KCNIP1: variants seen among roughly 807,000 people sequenced by gnomAD.
KCNIP1 encodes the protein potassium voltage-gated channel interacting protein 1.
KCNIP1 carries 18 observed loss-of-function variants against 33.0 expected under a neutral mutation model. That is an observed-to-expected ratio of 0.55 (90% CI 0.38 to 0.81). The LOEUF is 0.81. Ranked by LOEUF, KCNIP1 falls within the 30% of genes least tolerant of loss-of-function variation. The probability of loss-of-function intolerance (pLI) is 0.00; values close to 1 mark genes in which losing one functional copy is unlikely to be tolerated. For missense variants in KCNIP1, 238 were observed against 271.6 expected (o/e 0.88, Z 0.87); for synonymous variants, 93 against 98.3 (o/e 0.95, Z 0.32).
At chr5:170,487,449 C>A (rs546172287) in intron 1 of KCNIP1, among the ~76,000 whole-genome samples, 1 of 152,172 alleles carries the variant, frequency 6.6e-6, no homozygotes, top group South Asian at 2.1e-4. Flanking sequence ...TAAAATGAAC[C>A]CTTCTAAAGT....
chr5:170,539,462 C>T (rs1756115817), intron 1 of KCNIP1, among the ~76,000 whole-genome samples: 1 of 152,162 alleles, frequency 6.6e-6, no homozygotes, highest in South Asian at 2.1e-4. Flanking sequence ...CCAGACCTGC[C>T]CGTGGGTTGC....
At chr5:170,601,940 AGAAACC>A (rs1758710995) in intron 1 of KCNIP1, among the ~76,000 whole-genome samples, 5 of 152,186 alleles carry the variant, frequency 3.3e-5, no homozygotes. Context: ...AGATGCTGCC[AGAAACC>A]GAGATGGTGC....
chr5:170,691,099 C>T (rs1415175927), intron 1 of KCNIP1, among the ~76,000 whole-genome samples: 3 of 152,234 alleles, frequency 2.0e-5, no homozygotes, highest in Admixed American at 6.5e-5. Flanking sequence ...GCCAAGGCTA[C>T]AGCATTTCTC....
chr5:170,685,122 C>G (rs1398532323), intron 1 of KCNIP1, among the ~76,000 whole-genome samples: 2 of 152,146 alleles, frequency 1.3e-5, no homozygotes, highest in African/African-American at 4.8e-5. Context: ...GTCTCCTGCT[C>G]TGCGTGGGTT....
At chr5:170,403,811 A>G (rs950490397) in intron 1 of KCNIP1, among the ~76,000 whole-genome samples, 2 of 152,226 alleles carry the variant, frequency 1.3e-5, no homozygotes, top group Non-Finnish European at 2.9e-5. Context: ...GATTCCTCCT[A>G]CTACGCCGGC....
intron 1 of KCNIP1, among the ~76,000 whole-genome samples, chr5:170,650,596 T>A (rs2113720579): frequency 6.6e-6 from 1 of 152,362 alleles, no homozygotes; most frequent in African/African-American, 2.4e-5. Flanking sequence ...CAATTCCAAC[T>A]TTTGACTATT....
chr5:170,721,577 T>A (rs577011485), intron 3 of KCNIP1, among the ~76,000 whole-genome samples: 205 of 152,224 alleles, frequency 1.3e-3, no homozygotes, highest in African/African-American at 4.8e-3. Flanking sequence ...AACGACTCCA[T>A]GCATAGACAG....
At chr5:170,663,944 C>A (rs1175630532) in intron 1 of KCNIP1, among the ~76,000 whole-genome samples, 4 of 151,978 alleles carry the variant, frequency 2.6e-5, no homozygotes, top group African/African-American at 9.7e-5. Context: ...TCTGCACCCT[C>A]CTTCAACCCT....
At chr5:170,681,510 GGTAACTAC>G in intron 1 of KCNIP1, 1 of 188,382 alleles carries the variant, frequency 5.3e-6, no homozygotes, top group South Asian at 2.0e-4. Context: ...GAAGCTGTCT[GGTAACTAC>G]GTATATTGTT....
chr5:170,479,807 CTTTG>C (rs1391674060), intron 1 of KCNIP1, among the ~76,000 whole-genome samples: 3 of 152,184 alleles, frequency 2.0e-5, no homozygotes, highest in African/African-American at 4.8e-5. Flanking sequence ...CATATTTGTG[CTTTG>C]TTTAACATTT....
intron 1 of KCNIP1, among the ~76,000 whole-genome samples, chr5:170,509,031 T>C (rs1489032135): frequency 1.3e-5 from 2 of 152,060 alleles, no homozygotes; most frequent in Non-Finnish European, 2.9e-5. Flanking sequence ...TTTCCTAGAG[T>C]AAACTATAAA....
chr5:170,399,243 C>G (rs314133), intron 1 of KCNIP1, among the ~76,000 whole-genome samples: 78,297 of 152,080 alleles, frequency 0.51, 20,943 homozygotes, highest in African/African-American at 0.66. Context: ...TACAGGCTTG[C>G]TGGGAGATGC....
intron 1 of KCNIP1, among the ~76,000 whole-genome samples, chr5:170,362,199 G>C (rs78581867): frequency 6.6e-6 from 1 of 152,142 alleles, no homozygotes; most frequent in Non-Finnish European, 1.5e-5. Flanking sequence ...AGCTTCAGAC[G>C]GGGGACCGGC....
chr5:170,633,902 G>A (rs923407870), intron 1 of KCNIP1, among the ~76,000 whole-genome samples: 12 of 152,148 alleles, frequency 7.9e-5, no homozygotes, highest in Non-Finnish European at 1.6e-4. Context: ...CTGCTGTGCT[G>A]GGGTAGACTG....
intron 1 of KCNIP1, among the ~76,000 whole-genome samples, chr5:170,579,612 C>T (rs1433725727): frequency 6.6e-6 from 1 of 152,216 alleles, no homozygotes; most frequent in Non-Finnish European, 1.5e-5. Context: ...TGCATCTCCC[C>T]ATGTAACAAA....
chr5:170,485,228 C>T (rs1224504458), intron 1 of KCNIP1, among the ~76,000 whole-genome samples: 1 of 152,234 alleles, frequency 6.6e-6, no homozygotes, highest in Non-Finnish European at 1.5e-5. Context: ...GTGTAAGCCA[C>T]CGCACCCAGC....
chr5:170,500,544 A>G (rs543007521), upstream of KCNIP1, among the ~76,000 whole-genome samples: 1 of 152,164 alleles, frequency 6.6e-6, no homozygotes, highest in East Asian at 1.9e-4. Context: ...CCCTCTGCAC[A>G]TTCATTTTGT....
chr5:170,533,887 T>A (rs1013526885), intron 1 of KCNIP1, among the ~76,000 whole-genome samples: 1 of 152,176 alleles, frequency 6.6e-6, no homozygotes, highest in African/African-American at 2.4e-5. Context: ...GGTAACTAGA[T>A]GGTTCCAGTG....
In KCNIP1 at chr5:170,437,582, G is replaced by C. The variant is rs544279730; in HGVS notation, c.88+83618G>C. Among the ~76,000 whole-genome samples the C allele has an allele frequency of 1.2e-3, 181 of 152,348 alleles. 2 individuals are homozygous for C. The highest frequency in any genetic ancestry group is 4.6e-3 in the South Asian group (22 of 4,824). ...CCAGGGCTGTTGGGCCAGTGAGCAA[G>C]GGCTTGAAATCCAGTGCAGCACAGG... On this transcript the variant is annotated intron_variant, in intron 1 of 7. Coordinates refer to the KCNIP1 transcript ENST00000377360.
Sources: allele counts gnomAD v4.1 joint callset (sites outside exome capture counted in the v4.1 genomes callset), GRCh38; gene constraint gnomAD v4.1.1; transcripts MANE v1.5; gene names NCBI Gene and HGNC (gene_info 2026-07-23, HGNC 2026-07-21).